The following SIDT1 variants were observed in gnomAD, a reference collection of about 807,000 sequenced individuals.
SIDT1 encodes SID1 transmembrane family, member 1.
Under a neutral mutation model 107.5 loss-of-function variants are expected in SIDT1, and 101 were observed. The ratio of observed to expected loss-of-function variants is 0.94; its 90% CI spans 0.80 to 1.11. The LOEUF is 1.11. Among genes scored for constraint, SIDT1 ranks in the 50% least tolerant of loss-of-function variants. The pLI is 0.00. For missense variants in SIDT1, 1,076 were observed against 1,058.2 expected, an observed-to-expected ratio of 1.02 and a Z score of -0.23; for synonymous variants, 395 against 398.2, an observed-to-expected ratio of 0.99 and a Z score of 0.10.
At position 113,619,740 on chromosome 3, in the gene SIDT1, T is replaced by C. The variant is rs768235856; in HGVS notation, c.2090+14T>C. The C allele has an allele frequency of 6.2e-7, 1 of 1,613,022 alleles. No individual in the cohort carries two copies. The highest frequency in any genetic ancestry group is 2.2e-5 in the East Asian group (1 of 44,846). On this transcript the variant is annotated intron_variant, in intron 21 of 24. Transcript: ENST00000264852. Reference sequence around the variant, plus strand: ...TAACTGGTCCTTGTAAGTAGTCTTATGAAAACATGTTTTTGCCTTTATTAA... The same window carrying C: ...TAACTGGTCCTTGTAAGTAGTCTTACGAAAACATGTTTTTGCCTTTATTAA...
chr3:113,598,575 C>T (rs773207322), intron 10 of SIDT1, among the ~76,000 whole-genome samples: 15 of 152,114 alleles, frequency 9.9e-5, no homozygotes, highest in East Asian at 1.9e-4. Context: ...TTTATAGAAA[C>T]AAGTTTTCAC....
chr3:113,536,834 ATTCAT>A (rs1938228691), intron 1 of SIDT1, among the ~76,000 whole-genome samples: 1 of 152,248 alleles, frequency 6.6e-6, no homozygotes, highest in African/African-American at 2.4e-5. Flanking sequence ...CAAGATCATG[ATTCAT>A]TTCATTTCTC....
Position 113,567,530 on chromosome 3 carries a change from G to A in SIDT1, c.345-10G>A, listed in dbSNP as rs1199385407. On this transcript the variant is annotated splice_polypyrimidine_tract_variant and intron_variant, in intron 2 of 24. Transcript: ENST00000264852. Reference sequence around the variant, plus strand: ...TTGTTTATTTTTTTCCCCTATATTGGCTGCTTCAGATACCAGAGGAGCTAC... The same window carrying A: ...TTGTTTATTTTTTTCCCCTATATTGACTGCTTCAGATACCAGAGGAGCTAC... The A allele has an allele frequency of 1.2e-6, 2 of 1,604,694 alleles. No homozygotes were observed. Among genetic ancestry groups the A allele is most frequent in the East Asian group, 2.2e-5 (1 of 44,478 alleles).
chr3:113,547,788 A>G (rs1253350732), intron 1 of SIDT1, among the ~76,000 whole-genome samples: 2 of 152,140 alleles, frequency 1.3e-5, no homozygotes, highest in Non-Finnish European at 2.9e-5. Context: ...TTCTCAAATC[A>G]TAATTTTAAG....
chr3:113,626,488 TTA>T (rs1437437079), intron 24 of SIDT1, among the ~76,000 whole-genome samples: 1 of 152,204 alleles, frequency 6.6e-6, no homozygotes, highest in Non-Finnish European at 1.5e-5. Context: ...TCTGAATTGG[TTA>T]TTAGACCCAC....
chr3:113,536,355 A>G (rs1275632672), intron 1 of SIDT1, among the ~76,000 whole-genome samples: 5 of 152,222 alleles, frequency 3.3e-5, no homozygotes, highest in Non-Finnish European at 7.3e-5. Context: ...CTTTAACCTG[A>G]ACAAAGTCTT....
At chr3:113,551,599 C>T (rs953559306) in intron 1 of SIDT1, among the ~76,000 whole-genome samples, 7 of 152,178 alleles carry the variant, frequency 4.6e-5, no homozygotes, top group African/African-American at 1.7e-4. Context: ...AAGACTATGT[C>T]TGACTCCCTT....
chr3:113,608,164 C>T lies in SIDT1; in HGVS notation c.1549C>T (p.Arg517Cys), dbSNP rs141213900. The change falls in exon 16 of 25, where the codon CGC becomes TGC. Residue 517 changes from arginine to cysteine, a missense_variant. Physicochemically the swap from Arg to Cys is radical, Grantham distance 180. Coordinates refer to ENST00000264852, the MANE Select transcript of SIDT1 (RefSeq NM_017699.3). The part of the protein sequence containing the change: ...LGFLFLLIVL[R>C]RDILHRRALE... ...CTTCCTCTTCCTGCTGATAGTCTTGCGCCGCGACATCCTCCATCGGAGAGC... is the reference window on the plus strand; with the variant it reads ...CTTCCTCTTCCTGCTGATAGTCTTGTGCCGCGACATCCTCCATCGGAGAGC... The T allele has an allele frequency of 1.2e-4, 200 of 1,611,896 alleles. No homozygotes were observed. The African/African-American group carries it at 1.7e-3, about 13-fold the overall frequency.
intron 9 of SIDT1, among the ~76,000 whole-genome samples, chr3:113,586,082 G>T (rs1943722033): frequency 6.6e-6 from 1 of 152,126 alleles, no homozygotes; most frequent in Admixed American, 6.5e-5. Flanking sequence ...AGACTTCATG[G>T]CTACCTCAGT....
chr3:113,581,407 A>G lies in SIDT1; in HGVS notation c.710A>G (p.Tyr237Cys), dbSNP rs756352364. The G allele has an allele frequency of 1.2e-6, 2 of 1,614,140 alleles. No homozygotes were observed. Among genetic ancestry groups the G allele is most frequent in the East Asian group, 2.2e-5 (1 of 44,872 alleles). ...LDHNVEFNGVYQSMTKKAAIT... is the reference protein window; with the variant it reads ...LDHNVEFNGVCQSMTKKAAIT... ...CACAATGTGGAATTTAATGGTGTCT[A>G]TCAGTCCATGACCAAGAAAGCTGCC... is the stretch of plus-strand genomic sequence containing the variant. Residue 237 changes from tyrosine to cysteine, a missense_variant, in exon 6 of 25, where the codon TAT (tyrosine) becomes TGT (cysteine). Physicochemically the swap from Tyr to Cys is radical, Grantham distance 194. Coordinates refer to ENST00000264852, the MANE Select transcript of SIDT1 (RefSeq NM_017699.3).
intron 24 of SIDT1, among the ~76,000 whole-genome samples, chr3:113,627,006 C>A (rs962552422): frequency 6.6e-6 from 1 of 152,110 alleles, no homozygotes; most frequent in Non-Finnish European, 1.5e-5. Context: ...TATAAACAGT[C>A]CTTACGTCTT....
rs779951250 is a variant in SIDT1 at position 113,603,074 on chromosome 3, C to G, written c.1187C>G (p.Thr396Arg). The G allele has an allele frequency of 2.5e-6, 4 of 1,614,128 alleles. No individual in the cohort carries two copies. The highest frequency in any genetic ancestry group is 2.2e-5 in the East Asian group (1 of 44,888). ...SDGGPPGQSD[T>R]DSSVEESDFD... ...GGTGGGCCACCGGGCCAGTCAGACA[C>G]AGACAGCTCCGTGGAGGAGAGCGAC... The change falls in exon 12 of 25, where the codon ACA becomes AGA. Residue 396 changes from threonine to arginine, a missense_variant. Thr to Arg is a moderately conservative substitution (Grantham distance 71). Transcript: ENST00000264852.
intron 1 of SIDT1, among the ~76,000 whole-genome samples, chr3:113,554,020 C>T (rs1259809095): frequency 1.3e-5 from 2 of 152,166 alleles, no homozygotes; most frequent in Non-Finnish European, 2.9e-5. Context: ...GAACTCCAAT[C>T]CAGCCTGGGC....
At chr3:113,578,321 C>G (rs1156429460) in intron 4 of SIDT1, among the ~76,000 whole-genome samples, 5 of 151,914 alleles carry the variant, frequency 3.3e-5, no homozygotes, top group Admixed American at 3.3e-4. Flanking sequence ...CAAAAAATTA[C>G]CCGGGCATGG....
At chr3:113,615,165 A>G (rs1576966743) in intron 19 of SIDT1, 3 of 1,412,370 alleles carry the variant, frequency 2.1e-6, no homozygotes, top group Non-Finnish European at 2.9e-6. Flanking sequence ...TGCTCCCTGA[A>G]CAGCCTCTTT....
chr3:113,553,645 A>G (rs1366917133), intron 1 of SIDT1, among the ~76,000 whole-genome samples: 2 of 152,244 alleles, frequency 1.3e-5, no homozygotes, highest in African/African-American at 2.4e-5. Context: ...ACAGAAGATG[A>G]GCACATTCAG....
At chr3:113,582,593 A>G (rs1009778282) in intron 6 of SIDT1, among the ~76,000 whole-genome samples, 15 of 152,208 alleles carry the variant, frequency 9.9e-5, no homozygotes, top group Non-Finnish European at 1.9e-4. Context: ...AAGGGCAAGC[A>G]TATCAATAAC....
chr3:113,539,503 T>C (rs1381166441), intron 1 of SIDT1, among the ~76,000 whole-genome samples: 1 of 146,222 alleles, frequency 6.8e-6, no homozygotes, highest in Non-Finnish European at 1.5e-5. Context: ...TTATTAAGAA[T>C]GGATTGGTAA....
chr3:113,545,503 C>A (rs919513694), intron 1 of SIDT1, among the ~76,000 whole-genome samples: 4 of 152,192 alleles, frequency 2.6e-5, no homozygotes, highest in Non-Finnish European at 5.9e-5. Context: ...GAATCTCTCT[C>A]TCACTCTAAC....
Sources: gnomAD v4.1 joint callset for allele counts (sites outside exome capture counted in the v4.1 genomes callset) on GRCh38, gnomAD v4.1.1 for gene constraint, MANE v1.5 for transcripts, NCBI Gene and HGNC (gene_info 2026-07-23, HGNC 2026-07-21) for gene names.